Variants in CYB5A observed in about 807,000 individuals in gnomAD.
The protein encoded by CYB5A is cytochrome b5 type A.
Under a neutral mutation model 16.2 loss-of-function variants are expected in CYB5A, and 10 were observed. The ratio of observed to expected loss-of-function variants is 0.62; its 90% confidence interval spans 0.38 to 1.04. The LOEUF is 1.04. Among genes scored for constraint, CYB5A ranks in the 50% least tolerant of loss-of-function variants. The pLI is 0.01. For synonymous variants in CYB5A, 62 were observed against 57.0 expected, an observed-to-expected ratio of 1.09 and a Z score of -0.40; for missense variants, 161 against 165.9, an observed-to-expected ratio of 0.97 and a Z score of 0.16.
At chr18:74,263,585 A>T in intron 1 of CYB5A, 108 bp from the exon 2 acceptor site, 1 of 861,566 alleles carries the variant, frequency 1.2e-6, no homozygotes, top group Non-Finnish European at 1.8e-6. Flanking sequence ...GAAGACACAG[A>T]TGACAACAGG....
chr18:74,268,055 T>A (rs534247556), intron 1 of CYB5A, among the ~76,000 whole-genome samples: 3 of 152,352 alleles, frequency 2.0e-5, no homozygotes, highest in Non-Finnish European at 4.4e-5. Flanking sequence ...TATTATGCAC[T>A]TGAGTTAATT....
intron 1 of CYB5A, among the ~76,000 whole-genome samples, chr18:74,289,257 C>A (rs1025623911): frequency 6.6e-6 from 1 of 152,118 alleles, no homozygotes; most frequent in Non-Finnish European, 1.5e-5. Flanking sequence ...CAGTTTTTCT[C>A]GGAAAATTTT....
chr18:74,265,160 G>A (rs1297412453), intron 1 of CYB5A, among the ~76,000 whole-genome samples: 1 of 151,814 alleles, frequency 6.6e-6, no homozygotes, highest in Non-Finnish European at 1.5e-5. Flanking sequence ...ATTTGAAACT[G>A]TTTCTCTTCC....
At chr18:74,256,807 A>C in intron 3 of CYB5A, 1 of 1,612,460 alleles carries the variant, frequency 6.2e-7, no homozygotes, top group Non-Finnish European at 8.5e-7. Flanking sequence ...AAAGCAAGCA[A>C]AGCAGTTATG....
At chr18:74,279,178 T>C (rs1982993045) in intron 1 of CYB5A, among the ~76,000 whole-genome samples, 1 of 152,224 alleles carries the variant, frequency 6.6e-6, no homozygotes, top group African/African-American at 2.4e-5. Flanking sequence ...AGATGAGTGA[T>C]GACCTAAGAG....
intron 3 of CYB5A, chr18:74,258,598 C>T (rs1439979198): frequency 1.3e-5 from 2 of 152,180 alleles, no homozygotes; most frequent in Non-Finnish European, 2.9e-5. Context: ...GTTATACAGA[C>T]ACATGACAAA....
chr18:74,264,210 CAAAAAAA>C (rs59600245), intron 1 of CYB5A, among the ~76,000 whole-genome samples: 1 of 144,026 alleles, frequency 6.9e-6, no homozygotes, highest in East Asian at 2.0e-4. Flanking sequence ...GACTCTGTCT[CAAAAAAA>C]AAAAAAAAAG....
chr18:74,255,664 T>TG (rs3831450), intron 4 of CYB5A, 77 bp downstream of exon 4: 142,861 of 1,198,684 alleles, frequency 0.12, 9,764 homozygotes, highest in South Asian at 0.22. Context: ...ACCCAGAAGG[T>TG]GGGGGACGCA....
At chr18:74,283,138 C>T (rs1339180303) in intron 1 of CYB5A, among the ~76,000 whole-genome samples, 1 of 152,156 alleles carries the variant, frequency 6.6e-6, no homozygotes, top group African/African-American at 2.4e-5. Flanking sequence ...ATATTCTAAC[C>T]ACCCTGCAAC....
At chr18:74,262,825 G>C (rs751424522) in intron 2 of CYB5A, among the ~76,000 whole-genome samples, 47 of 152,262 alleles carry the variant, frequency 3.1e-4, no homozygotes, top group Admixed American at 5.9e-4. Flanking sequence ...CTGTGGGGTG[G>C]AGCCTGCTGA....
At chr18:74,271,806 T>C (rs1982679217) in intron 1 of CYB5A, among the ~76,000 whole-genome samples, 1 of 152,220 alleles carries the variant, frequency 6.6e-6, no homozygotes, top group East Asian at 1.9e-4. Context: ...AAAACTACTC[T>C]GGCATAATAC....
intron 2 of CYB5A, chr18:74,261,256 T>A (rs1385456499): frequency 5.5e-6 from 2 of 365,642 alleles, no homozygotes; most frequent in Admixed American, 3.8e-5. Flanking sequence ...AGGGAGGAGC[T>A]GAAGACTGAT....
chr18:74,271,920 G>A (rs1213324195), intron 1 of CYB5A, among the ~76,000 whole-genome samples: 1 of 152,194 alleles, frequency 6.6e-6, no homozygotes, highest in Non-Finnish European at 1.5e-5. Context: ...TTAGGATCAA[G>A]CCTGACCTGT....
Position 74,263,483 on chromosome 18 carries a change from C to G in CYB5A, c.130-6G>C. 4 of 1,613,804 alleles carry G rather than the reference C, an allele frequency of 2.5e-6. No homozygotes were observed. The highest frequency in any genetic ancestry group is 1.1e-5 in the South Asian group (1 of 91,078). On this transcript the variant is annotated splice_region_variant and splice_polypyrimidine_tract_variant and intron_variant, in intron 1 of 4. Coordinates refer to ENST00000340533, the MANE Select transcript of CYB5A (RefSeq NM_148923.4). ...ACTTCTTCCCCACCAGGATGCTGTT[C>G]AAAGGAGAGGTAGAATAAAAATTTT...
At chr18:74,262,206 C>A (rs1982230855) in intron 2 of CYB5A, among the ~76,000 whole-genome samples, 1 of 152,148 alleles carries the variant, frequency 6.6e-6, no homozygotes, top group South Asian at 2.1e-4. Flanking sequence ...GTAATCCTAG[C>A]ACTCTGGGAG....
chr18:74,255,484 G>C (rs1284322291), intron 4 of CYB5A, among the ~76,000 whole-genome samples: 2 of 152,190 alleles, frequency 1.3e-5, no homozygotes, highest in Non-Finnish European at 2.9e-5. Flanking sequence ...TGGGGGAAAA[G>C]GAAATGCAAT....
chr18:74,270,998 A>G (rs1420083160), intron 1 of CYB5A, among the ~76,000 whole-genome samples: 2 of 152,226 alleles, frequency 1.3e-5, no homozygotes, highest in Non-Finnish European at 2.9e-5. Context: ...TGTAACTATT[A>G]TATATAACCA....
rs935827826 is a variant in CYB5A at position 74,260,951 on chromosome 18, T to G, written c.259-7A>C. 1.2e-6 allele frequency: 2 copies of G among 1,610,562 alleles called. No homozygotes were observed. The highest frequency in any genetic ancestry group is 2.7e-5 in the African/African-American group (2 of 74,874). ...TTAACTTTGGTCTGTCATCCTGCAA[T>G]GAAAAGATAAGGCACATTATGGAAT... On this transcript the variant is annotated splice_region_variant and splice_polypyrimidine_tract_variant and intron_variant, in intron 2 of 4. Transcript: ENST00000340533.
At chr18:74,275,306 T>C (rs1982827525) in intron 1 of CYB5A, among the ~76,000 whole-genome samples, 1 of 152,150 alleles carries the variant, frequency 6.6e-6, no homozygotes, top group African/African-American at 2.4e-5. Flanking sequence ...ATATCTCATG[T>C]GGTTAAACTC....
Sources: allele counts gnomAD v4.1 joint callset (sites outside exome capture counted in the v4.1 genomes callset), GRCh38; gene constraint gnomAD v4.1.1; transcripts MANE v1.5; gene names NCBI Gene and HGNC (gene_info 2026-07-23, HGNC 2026-07-21).